DPP8: variants seen among roughly 807,000 people sequenced by gnomAD.
DPP8 encodes dipeptidyl peptidase 8.
Under a neutral mutation model 107.5 loss-of-function variants are expected in DPP8, and 31 were observed. The observed-to-expected ratio is 0.29, with a 90% CI of 0.22 to 0.39. The LOEUF (loss-of-function observed/expected upper bound fraction) is 0.39, where lower values mean the gene tolerates loss of function less well. Among genes scored for constraint, DPP8 ranks in the 10% least tolerant of loss-of-function variants. The pLI, the probability that DPP8 is intolerant of heterozygous loss-of-function variation, is 1.00. For synonymous variants in DPP8, 381 were observed against 356.6 expected (o/e 1.07, Z -0.77); for missense variants, 842 against 1,076.1 (o/e 0.78, Z 3.04).
intron 3 of DPP8, among the ~76,000 whole-genome samples, chr15:65,504,636 T>C (rs1403074319): frequency 7.9e-6 from 1 of 126,064 alleles, no homozygotes; most frequent in Non-Finnish European, 1.6e-5. Context: ...GCCACTGCAC[T>C]CCAGCCTGGC....
At chr15:65,477,237 A>C (rs772727379) in intron 11 of DPP8, among the ~76,000 whole-genome samples, 7 of 152,044 alleles carry the variant, frequency 4.6e-5, no homozygotes, top group Non-Finnish European at 1.0e-4. Flanking sequence ...CCCGGCCAAA[A>C]TACAAAAATT....
At chr15:65,495,034 G>C (rs1237763850) in intron 5 of DPP8, among the ~76,000 whole-genome samples, 1 of 152,074 alleles carries the variant, frequency 6.6e-6, no homozygotes, top group African/African-American at 2.4e-5. Flanking sequence ...TCATGATAAA[G>C]TCCATGTTCT....
intron 12 of DPP8, among the ~76,000 whole-genome samples, chr15:65,467,730 T>C (rs2065486779): frequency 6.6e-6 from 1 of 152,232 alleles, no homozygotes; most frequent in Non-Finnish European, 1.5e-5. Context: ...AAAGGACACC[T>C]GAGTTACACA....
Position 65,456,374 on chromosome 15 carries a change from G to A in DPP8, c.1972-3C>T, listed in dbSNP as rs762581531. ...AACCGATTATTCACCAACTGCACCT[G>A]AGGAAGAAACACAACTTCAGTTTAT... On this transcript the variant is annotated splice_region_variant and splice_polypyrimidine_tract_variant and intron_variant, in intron 15 of 19. Transcript: ENST00000300141. 1 of 1,605,666 alleles carries A rather than the reference G, an allele frequency of 6.2e-7. No homozygotes were observed. Among genetic ancestry groups the A allele is most frequent in the Non-Finnish European group, 8.5e-7 (1 of 1,177,628 alleles).
In DPP8 at chr15:65,478,567, G is replaced by GT. The variant is rs909939684; in HGVS notation, c.1456+312dup. 1.7e-4 allele frequency among the ~76,000 whole-genome samples: 26 copies of GT among 152,098 alleles called. 1 individual carries two copies. The South Asian group carries it at 4.8e-3, about 28-fold the overall frequency. On this transcript the variant is annotated intron_variant, in intron 11 of 19. Transcript: ENST00000300141. ...GAGCCACTGCACCCAGCCAAAAATAGTTTTTTTTAAATGGGCTCACTTTAA... is the reference window on the plus strand; with the variant it reads ...GAGCCACTGCACCCAGCCAAAAATAGTTTTTTTTTAAATGGGCTCACTTTAA...
chr15:65,449,929 A>G (rs2063843551), intron 19 of DPP8, among the ~76,000 whole-genome samples: 1 of 151,990 alleles, frequency 6.6e-6, no homozygotes, highest in African/African-American at 2.4e-5. Flanking sequence ...CTCTATGAAA[A>G]ACGTGATTTG....
chr15:65,516,359 T>C (rs1281713915), intron 1 of DPP8: 1 of 152,140 alleles, frequency 6.6e-6, no homozygotes, highest in Non-Finnish European at 1.5e-5. Flanking sequence ...TCTTGCTGCA[T>C]TACTCTGAGA....
At position 65,493,359 on chromosome 15, in the gene DPP8, G is replaced by T. The variant is rs191927852; in HGVS notation, c.716-3060C>A. Reference sequence around the variant, plus strand: ...GGCCTCCCAAAGTGCTGGGATTACAGGGGTGAGCCACCGTGCCCGGCCAAG... The same window carrying T: ...GGCCTCCCAAAGTGCTGGGATTACATGGGTGAGCCACCGTGCCCGGCCAAG... On this transcript the variant is annotated intron_variant, in intron 5 of 19. Transcript: ENST00000300141. Among the ~76,000 whole-genome samples, 1,471 of 152,276 alleles carry T rather than the reference G, an allele frequency of 9.7e-3. 16 individuals carry two copies. The highest frequency in any genetic ancestry group is 0.016 in the Non-Finnish European group (1,105 of 68,032).
intron 5 of DPP8, among the ~76,000 whole-genome samples, chr15:65,496,368 A>AT (rs36055632): frequency 0.2 from 30,857 of 152,098 alleles, 4,169 homozygotes; most frequent in East Asian, 0.73. Context: ...TGAACATAAG[A>AT]TTAAGCAAAA....
chr15:65,448,787 TAC>T (rs1462492588), intron 19 of DPP8, among the ~76,000 whole-genome samples: 3 of 135,138 alleles, frequency 2.2e-5, no homozygotes, highest in East Asian at 2.0e-4. Flanking sequence ...ATCTAAAATA[TAC>T]ATATATAATA....
chr15:65,493,377 C>T (rs888487576), intron 5 of DPP8, among the ~76,000 whole-genome samples: 10 of 152,082 alleles, frequency 6.6e-5, no homozygotes, highest in Non-Finnish European at 1.3e-4. Context: ...CCACCGTGCC[C>T]GGCCAAGATT....
In DPP8 at chr15:65,481,495, T is replaced by A; in HGVS notation, c.1118+20A>T. On this transcript the variant is annotated intron_variant, in intron 9 of 19. Coordinates refer to ENST00000300141, the MANE Select transcript of DPP8 (RefSeq NM_130434.5). ...GGATCCTAAATTAGTTATAAAGAAG[T>A]AACAATTTAACATACGCACTATTTT... The A allele has an allele frequency of 6.9e-7, 1 of 1,448,368 alleles. No homozygotes were observed. The highest frequency in any genetic ancestry group is 9.5e-7 in the Non-Finnish European group (1 of 1,050,900). The allele number at this position is 1,448,368 out of a possible 1,614,324, so 89.7% of individuals were successfully genotyped here.
intron 12 of DPP8, among the ~76,000 whole-genome samples, chr15:65,472,429 G>GCA (rs2065969515): frequency 6.6e-6 from 1 of 151,888 alleles, no homozygotes; most frequent in Non-Finnish European, 1.5e-5. Flanking sequence ...AACTAGCTGG[G>GCA]ACTACAGGTG....
intron 5 of DPP8, among the ~76,000 whole-genome samples, chr15:65,495,636 C>T (rs538876768): frequency 7.3e-4 from 111 of 151,596 alleles, no homozygotes; most frequent in Middle Eastern, 3.4e-3. Flanking sequence ...CACGGTGGCT[C>T]GTGCCTGTAA....
intron 5 of DPP8, among the ~76,000 whole-genome samples, chr15:65,491,595 T>C (rs966447773): frequency 2.0e-5 from 3 of 152,330 alleles, no homozygotes; most frequent in South Asian, 4.1e-4. Context: ...TGGCTTCTTT[T>C]GAGTTTCAAT....
At position 65,446,760 on chromosome 15, in the gene DPP8, T is replaced by C. The variant is rs2063514382; in HGVS notation, c.*124A>G. The C allele has an allele frequency of 4.1e-6, 4 of 985,732 alleles. No individual in the cohort carries two copies. The highest frequency in any genetic ancestry group is 2.9e-5 in the East Asian group (1 of 34,866). 61.1% of individuals were successfully genotyped at this position (985,732 alleles called of 1,614,324 possible). A position where few individuals can be genotyped will look rare whatever the true frequency, so the allele number is the denominator to read the frequency against. ...CCCCTGCATGGCACCACATTTATTT[T>C]CAGGAGTAGATGTTACATGGCAGGT... On this transcript the variant is annotated 3_prime_UTR_variant, in exon 20 of 20. Coordinates refer to ENST00000300141, the MANE Select transcript of DPP8 (RefSeq NM_130434.5).
chr15:65,510,023 A>AAAAAAAC (rs551385264), intron 2 of DPP8, among the ~76,000 whole-genome samples: 2 of 152,012 alleles, frequency 1.3e-5, no homozygotes, highest in African/African-American at 4.8e-5. Context: ...CGCCATCTCA[A>AAAAAAAC]AAAAAACAAA....
chr15:65,491,718 A>G (rs2068049615), intron 5 of DPP8, among the ~76,000 whole-genome samples: 1 of 152,114 alleles, frequency 6.6e-6, no homozygotes. Flanking sequence ...GTTTCTGGCT[A>G]TTATGACTAA....
At chr15:65,475,774 G>A (rs2066329583) in intron 11 of DPP8, among the ~76,000 whole-genome samples, 2 of 151,974 alleles carry the variant, frequency 1.3e-5, no homozygotes, top group South Asian at 4.1e-4. Flanking sequence ...TTTTTTTCCT[G>A]TTCTGCTCTG....
Sources: gnomAD v4.1 joint callset for allele counts (sites outside exome capture counted in the v4.1 genomes callset) on GRCh38, gnomAD v4.1.1 for gene constraint, MANE v1.5 for transcripts, NCBI Gene and HGNC (gene_info 2026-07-23, HGNC 2026-07-21) for gene names.